Variants in TPRG1 observed in about 807,000 individuals in gnomAD.
TPRG1 encodes the protein tumor protein p63 regulated 1, also known as tumor protein p63-regulated gene 1 protein.
TPRG1 carries 29 observed loss-of-function variants against 29.3 expected under a neutral mutation model. The ratio of observed to expected loss-of-function variants is 0.99; its 90% CI spans 0.74 to 1.35. The LOEUF (loss-of-function observed/expected upper bound fraction) is 1.35, where lower values mean the gene tolerates loss of function less well. Ranked by LOEUF, TPRG1 falls within the 40% of genes most tolerant of loss-of-function variation. The probability of loss-of-function intolerance (pLI) is 0.00; values close to 1 mark genes in which losing one functional copy is unlikely to be tolerated. For missense variants in TPRG1, 327 were observed against 335.0 expected (o/e 0.98, Z 0.19); for synonymous variants, 130 against 116.8 (o/e 1.11, Z -0.73).
rs770642820 is a variant in TPRG1, at chr3:189,238,864, G to C, written c.434G>C (p.Arg145Pro). Residue 145 changes from arginine (R) to proline (P), a missense_variant, in exon 4 of 6, where the codon CGC becomes CCC. Physicochemically the swap from Arg to Pro is moderately radical, Grantham distance 103. Coordinates refer to ENST00000345063, the MANE Select transcript of TPRG1 (RefSeq NM_198485.4). ...CGGATTCCTCTGAGCGCTGTCTATC[G>C]CATCTGCCTGGGCAAGTTCACCTTC... ...LQRIPLSAVYRICLGKFTFPG... is the reference protein window; with the variant it reads ...LQRIPLSAVYPICLGKFTFPG... The C allele has an allele frequency of 6.8e-6, 11 of 1,613,446 alleles. No homozygotes were observed. Among genetic ancestry groups the C allele is most frequent in the Non-Finnish European group, 8.5e-6 (10 of 1,179,602 alleles).
At chr3:189,024,771 A>C (rs1713568187) in intron 4 of TPRG1, among the ~76,000 whole-genome samples, 1 of 152,070 alleles carries the variant, frequency 6.6e-6, no homozygotes, top group African/African-American at 2.4e-5. Context: ...GTAATGAGGA[A>C]TGGATAAAGA....
chr3:189,099,613 T>C (rs1718946724), upstream of TPRG1, among the ~76,000 whole-genome samples: 2 of 152,078 alleles, frequency 1.3e-5, no homozygotes, highest in South Asian at 2.1e-4. Context: ...TCTAGCCCTA[T>C]ACATGCTGGG....
At chr3:189,144,217 T>A (rs1560484489) in intron 3 of TPRG1, among the ~76,000 whole-genome samples, 1 of 152,220 alleles carries the variant, frequency 6.6e-6, no homozygotes, top group Non-Finnish European at 1.5e-5. Flanking sequence ...CAAGCAGACA[T>A]CACCTACATC....
intron 4 of TPRG1, among the ~76,000 whole-genome samples, chr3:189,051,369 T>G (rs183911711): frequency 6.6e-6 from 1 of 151,872 alleles, no homozygotes; most frequent in Admixed American, 6.6e-5. Flanking sequence ...AAAAACCACC[T>G]TAGGAATATA....
chr3:189,096,920 A>C (rs1031543563), upstream of TPRG1, among the ~76,000 whole-genome samples: 2 of 152,120 alleles, frequency 1.3e-5, no homozygotes, highest in Non-Finnish European at 2.9e-5. Flanking sequence ...TTTTGCTACC[A>C]CATCAAAACT....
chr3:189,085,697 G>A (rs1173579791), intron 4 of TPRG1, among the ~76,000 whole-genome samples: 8 of 152,154 alleles, frequency 5.3e-5, no homozygotes, highest in Non-Finnish European at 1.2e-4. Flanking sequence ...GATGACATCA[G>A]CAGCTTTATA....
chr3:189,186,994 T>G (rs9683327), intron 1 of TPRG1, among the ~76,000 whole-genome samples: 2 of 119,276 alleles, frequency 1.7e-5, no homozygotes, highest in Non-Finnish European at 3.5e-5. Context: ...TGTTTTTTTT[T>G]TTTTTTTTTT....
At chr3:189,135,262 T>A (rs892804650) in intron 3 of TPRG1, among the ~76,000 whole-genome samples, 1 of 152,180 alleles carries the variant, frequency 6.6e-6, no homozygotes, top group Non-Finnish European at 1.5e-5. Context: ...ATCTCTTCTA[T>A]TGCAGTTCTA....
At chr3:189,248,910 C>T (rs1305426974) in intron 4 of TPRG1, among the ~76,000 whole-genome samples, 1 of 150,990 alleles carries the variant, frequency 6.6e-6, no homozygotes, top group Non-Finnish European at 1.5e-5. Flanking sequence ...TTTCTCTCTC[C>T]TTGGAATTAG....
chr3:189,018,991 C>T (rs1215017800), intron 3 of TPRG1, among the ~76,000 whole-genome samples: 2 of 152,130 alleles, frequency 1.3e-5, no homozygotes, highest in Non-Finnish European at 2.9e-5. Context: ...CTCTTTGAAG[C>T]AATTGTGAAT....
chr3:189,141,539 T>C (rs1159280321), intron 3 of TPRG1, among the ~76,000 whole-genome samples: 1 of 152,164 alleles, frequency 6.6e-6, no homozygotes, highest in African/African-American at 2.4e-5. Context: ...TCACCTAGTC[T>C]TGAGTAGCTC....
intron 3 of TPRG1, among the ~76,000 whole-genome samples, chr3:189,228,129 C>G (rs894475084): frequency 2.0e-5 from 3 of 152,142 alleles, no homozygotes; most frequent in African/African-American, 7.2e-5. Flanking sequence ...TCAACAACAA[C>G]AGCAATAGCA....
intron 4 of TPRG1, among the ~76,000 whole-genome samples, chr3:189,081,468 A>T (rs1435250531): frequency 6.6e-6 from 1 of 152,202 alleles, no homozygotes; most frequent in African/African-American, 2.4e-5. Context: ...GGTAATGGAA[A>T]TATGGTCCAA....
chr3:189,078,430 C>T (rs1717371420), intron 4 of TPRG1, among the ~76,000 whole-genome samples: 1 of 151,996 alleles, frequency 6.6e-6, no homozygotes, highest in Non-Finnish European at 1.5e-5. Flanking sequence ...AGCTACTGTG[C>T]CTGGCCAAAA....
rs528862960 is a variant in TPRG1 at position 189,134,797 on chromosome 3, G to A, written c.-291+2100G>A. On this transcript the variant is annotated intron_variant, in intron 3 of 6. Coordinates refer to the TPRG1 transcript ENST00000412373. ...TAAATAATTTTCACTAGGACTTACAGTGATTTACTGATCTAGTCATGACTA... is the reference window on the plus strand; with the variant it reads ...TAAATAATTTTCACTAGGACTTACAATGATTTACTGATCTAGTCATGACTA... Among the ~76,000 whole-genome samples the A allele has an allele frequency of 3.3e-5, 5 of 152,234 alleles. No homozygotes were observed. In the South Asian group the frequency reaches 1.0e-3, roughly 32 times the overall value.
At chr3:189,214,812 C>T (rs1735780149) in intron 2 of TPRG1, among the ~76,000 whole-genome samples, 1 of 151,956 alleles carries the variant, frequency 6.6e-6, no homozygotes, top group South Asian at 2.1e-4. Flanking sequence ...AGTAGTAACA[C>T]CTGTTTGGGG....
At chr3:189,130,637 G>T (rs1723005660) in intron 2 of TPRG1, among the ~76,000 whole-genome samples, 1 of 133,842 alleles carries the variant, frequency 7.5e-6, no homozygotes, top group Non-Finnish European at 1.5e-5. Flanking sequence ...TCCCTTCTGT[G>T]AGTGTGAGGG....
At chr3:189,052,328 A>C (rs1214173109) in intron 4 of TPRG1, among the ~76,000 whole-genome samples, 1 of 151,906 alleles carries the variant, frequency 6.6e-6, no homozygotes, top group Non-Finnish European at 1.5e-5. Flanking sequence ...TAGCCAACAA[A>C]CATATGAAAA....
intron 4 of TPRG1, among the ~76,000 whole-genome samples, chr3:189,054,653 C>A (rs1002553885): frequency 6.6e-6 from 1 of 151,784 alleles, no homozygotes; most frequent in Non-Finnish European, 1.5e-5. Context: ...TGTGGTGGTA[C>A]CCATCTGTAG....
Sources: gnomAD v4.1 joint callset for allele counts (sites outside exome capture counted in the v4.1 genomes callset) on GRCh38, gnomAD v4.1.1 for gene constraint, MANE v1.5 for transcripts, NCBI Gene and HGNC (gene_info 2026-07-23, HGNC 2026-07-21) for gene names.